LAMA3: variants seen among roughly 807,000 people sequenced by gnomAD.
LAMA3 encodes the protein laminin subunit alpha 3.
LAMA3 carries 281 observed loss-of-function variants against 402.0 expected under a neutral mutation model. The ratio of observed to expected loss-of-function variants is 0.70; its 90% CI spans 0.63 to 0.77. The LOEUF (loss-of-function observed/expected upper bound fraction) is 0.77, where lower values mean the gene tolerates loss of function less well. LAMA3 is among the 30% of genes least tolerant of loss of function. LAMA3 has a pLI of 0.00. For missense variants in LAMA3, 3,840 were observed against 4,215.5 expected, an observed-to-expected ratio of 0.91 and a Z score of 2.47; for synonymous variants, 1,431 against 1,558.4, an observed-to-expected ratio of 0.92 and a Z score of 1.93.
intron 64 of LAMA3, among the ~76,000 whole-genome samples, chr18:23,930,477 A>G (rs1483241282): frequency 6.6e-6 from 1 of 152,162 alleles, no homozygotes; most frequent in Non-Finnish European, 1.5e-5. Context: ...ACTGGGCATG[A>G]CGGCTCACAC....
intron 29 of LAMA3, among the ~76,000 whole-genome samples, chr18:23,843,242 G>C (rs2063743898): frequency 6.6e-6 from 1 of 152,134 alleles, no homozygotes; most frequent in Admixed American, 6.5e-5. Context: ...CCACATCTGT[G>C]AGGTCATCTC....
chr18:23,837,542 T>C (rs2144554205), intron 25 of LAMA3, among the ~76,000 whole-genome samples: 1 of 128,102 alleles, frequency 7.8e-6, no homozygotes, highest in East Asian at 2.2e-4. Context: ...AAAAAACTAT[T>C]TCAAAAAGAA....
chr18:23,834,996 T>C (rs991907768), intron 24 of LAMA3, among the ~76,000 whole-genome samples: 1 of 152,320 alleles, frequency 6.6e-6, no homozygotes, highest in Admixed American at 6.5e-5. Context: ...GTAATTGTAT[T>C]TGGAGTTTTA....
At chr18:23,728,426 G>C (rs1478777490) in intron 2 of LAMA3, among the ~76,000 whole-genome samples, 3 of 152,284 alleles carry the variant, frequency 2.0e-5, no homozygotes, top group South Asian at 4.1e-4. Flanking sequence ...GCTCCTGGCA[G>C]GCAACTCACT....
chr18:23,830,289 C>T (rs2063467761), intron 23 of LAMA3, among the ~76,000 whole-genome samples: 1 of 152,136 alleles, frequency 6.6e-6, no homozygotes, highest in Non-Finnish European at 1.5e-5. Context: ...AAAATGCTAA[C>T]CTGTTTTTAT....
rs774201595 is a variant in LAMA3, at chr18:23,894,364, CCCT to C, written c.5461+26_5461+28del. ...GAATGTGATGGTGAGAAAAGAAAGC[CCCT>C]CCTCCTCCTTTCCAAGTTGTGGGGT... On this transcript the variant is annotated intron_variant, in intron 43 of 74. Coordinates refer to ENST00000313654, the MANE Select transcript of LAMA3 (RefSeq NM_198129.4). 1.5e-5 allele frequency: 24 copies of C among 1,606,458 alleles called. No homozygotes were observed. The highest frequency in any genetic ancestry group is 1.1e-4 in the African/African-American group (8 of 74,674).
chr18:23,767,873 A>G (rs1481751609), intron 8 of LAMA3, among the ~76,000 whole-genome samples: 2 of 152,104 alleles, frequency 1.3e-5, no homozygotes, highest in African/African-American at 4.8e-5. Context: ...GTGCCTGGCA[A>G]GGAAAGGTCT....
At chr18:23,846,042 T>G (rs1442039972) in intron 30 of LAMA3, among the ~76,000 whole-genome samples, 1 of 152,238 alleles carries the variant, frequency 6.6e-6, no homozygotes, top group African/African-American at 2.4e-5. Flanking sequence ...GGTCTATTTC[T>G]ACTCTTTTAT....
At chr18:23,941,432 A>C (rs935314304) in intron 68 of LAMA3, among the ~76,000 whole-genome samples, 3 of 151,684 alleles carry the variant, frequency 2.0e-5, no homozygotes, top group African/African-American at 7.3e-5. Flanking sequence ...TAAACCGTAC[A>C]TCATTAATGA....
intron 68 of LAMA3, among the ~76,000 whole-genome samples, chr18:23,939,704 G>T (rs1451273100): frequency 1.3e-5 from 2 of 152,152 alleles, no homozygotes; most frequent in Non-Finnish European, 2.9e-5. Context: ...TTATTTCCAT[G>T]ATAAATCACC....
In LAMA3 at chr18:23,763,485, G is replaced by A. The variant is rs964881956; in HGVS notation, c.1144G>A (p.Gly382Ser). 1 of 1,613,312 alleles carries A rather than the reference G, an allele frequency of 6.2e-7. No individual in the cohort carries two copies. The highest frequency in any genetic ancestry group is 8.5e-7 in the Non-Finnish European group (1 of 1,179,328). The part of the protein sequence containing the change: ...ERQQASLNTQ[G>S]IYAGGGVCIN... ...GCAGCAGGCAAGCTTGAATACCCAG[G>A]GCATCTATGCTGGTGGAGGGGTCTG... The change falls in exon 8 of 75, where the codon GGC becomes AGC. Residue 382 changes from glycine to serine, a missense_variant. By Grantham distance (56) the Gly-to-Ser change is moderately conservative. Coordinates refer to ENST00000313654, the MANE Select transcript of LAMA3 (RefSeq NM_198129.4).
chr18:23,842,734 G>A lies in LAMA3; in HGVS notation c.3587G>A (p.Gly1196Glu), dbSNP rs760352712. 3 of 1,614,118 alleles carry A rather than the reference G, an allele frequency of 1.9e-6. No homozygotes were observed. Among genetic ancestry groups the A allele is most frequent in the African/African-American group, 2.7e-5 (2 of 74,942 alleles). ...GCCGCAACTGTGAAGGTTCCAGAAG[G>A]AAAGTCCTTGGTTTTGGTGCGTTCC... The part of the protein sequence containing the change: ...EVAATVKVPE[G>E]KSLVLVRVLV... Residue 1196 changes from glycine (G) to glutamate (E), a missense_variant, in exon 29 of 75, where the codon GGA becomes GAA. Around this residue, in one of 3 missense-constraint regions of LAMA3, gnomAD observed 2,109 missense variants for 2,376.0 expected, o/e 0.89. Coordinates refer to ENST00000313654, the MANE Select transcript of LAMA3 (RefSeq NM_198129.4).
chr18:23,865,338 T>G (rs1220651360), intron 36 of LAMA3, among the ~76,000 whole-genome samples: 1 of 152,180 alleles, frequency 6.6e-6, no homozygotes, highest in African/African-American at 2.4e-5. Context: ...GATCTCACTA[T>G]GTTGCCCAGG....
intron 14 of LAMA3, among the ~76,000 whole-genome samples, chr18:23,813,910 C>T (rs2063126370): frequency 6.6e-6 from 1 of 152,116 alleles, no homozygotes; most frequent in Admixed American, 6.5e-5. Flanking sequence ...CTAGAGATGC[C>T]GACTTCCAGG....
In LAMA3 at chr18:23,846,331, G is replaced by C; in HGVS notation, c.3754G>C (p.Ala1252Pro). The part of the protein sequence containing the change: ...QTASRFCKNS[A>P]RSLVAFYHKG... Reference sequence around the variant, plus strand: ...AGCCTCCAGATTCTGTAAGAATTCCGCCAGGTCCCTGGTGGCCTTTTACCA... The same window carrying C: ...AGCCTCCAGATTCTGTAAGAATTCCCCCAGGTCCCTGGTGGCCTTTTACCA... The change falls in exon 31 of 75, where the codon GCC becomes CCC. Residue 1252 changes from alanine to proline, a missense_variant. Ala to Pro is a conservative substitution (Grantham distance 27). Transcript: ENST00000313654. 1.9e-6 allele frequency: 3 copies of C among 1,614,200 alleles called. No homozygotes were observed. The highest frequency in any genetic ancestry group is 2.5e-6 in the Non-Finnish European group (3 of 1,180,032).
At chr18:23,892,956 A>G (rs1599021792) in intron 42 of LAMA3, among the ~76,000 whole-genome samples, 2 of 150,214 alleles carry the variant, frequency 1.3e-5, no homozygotes. Flanking sequence ...GGAACCCATG[A>G]TTATATATAA....
intron 11 of LAMA3, among the ~76,000 whole-genome samples, chr18:23,780,355 G>A (rs1282710315): frequency 6.6e-6 from 1 of 151,720 alleles, no homozygotes; most frequent in Non-Finnish European, 1.5e-5. Context: ...AAGGGAGGGA[G>A]GGAGGGGAGA....
chr18:23,890,088 A>G lies in LAMA3; in HGVS notation c.5381A>G (p.Gln1794Arg). Residue 1794 changes from glutamine to arginine, a missense_variant, in exon 42 of 75, where the codon CAG becomes CGG. Around this residue, in one of 3 missense-constraint regions of LAMA3, gnomAD observed 2,109 missense variants for 2,376.0 expected, o/e 0.89. Coordinates refer to ENST00000313654, the MANE Select transcript of LAMA3 (RefSeq NM_198129.4). ...CCATGCAGTTGTAACAGCAATGGCC[A>G]GCTGGGCAGCTGTCATCCCCTGACT... ...CQPCSCNSNG[Q>R]LGSCHPLTGD... is the part of the protein sequence containing the mutation. 6.2e-7 allele frequency: 1 copy of G among 1,613,844 alleles called. No homozygotes were observed. The highest frequency in any genetic ancestry group is 8.5e-7 in the Non-Finnish European group (1 of 1,179,684).
intron 36 of LAMA3, among the ~76,000 whole-genome samples, chr18:23,867,320 G>T (rs2144782575): frequency 6.6e-6 from 1 of 152,196 alleles, no homozygotes; most frequent in South Asian, 2.1e-4. Context: ...ACTGCGGGAG[G>T]CCAAGACAGG....
Sources: allele counts gnomAD v4.1 joint callset (sites outside exome capture counted in the v4.1 genomes callset), GRCh38; gene constraint gnomAD v4.1.1; regional missense constraint gnomAD v4.1.1; transcripts MANE v1.5; gene names NCBI Gene and HGNC (gene_info 2026-07-23, HGNC 2026-07-21).